ARHGAP42: variants seen among roughly 807,000 people sequenced by gnomAD.
ARHGAP42 encodes the protein rho GTPase-activating protein 42.
A neutral mutation model predicts 125.0 loss-of-function variants in ARHGAP42; 63 were observed. The observed-to-expected ratio is 0.50, with a 90% CI of 0.41 to 0.62. The LOEUF (loss-of-function observed/expected upper bound fraction) is 0.62. Among genes scored for constraint, ARHGAP42 ranks in the 20% least tolerant of loss-of-function variants. ARHGAP42 has a pLI of 0.00. For synonymous variants in ARHGAP42, 339 were observed against 351.0 expected, an observed-to-expected ratio of 0.97 and a Z score of 0.38; for missense variants, 766 against 1,024.2, an observed-to-expected ratio of 0.75 and a Z score of 3.44.
chr11:100,778,608 A>G (rs1453282952), intron 2 of ARHGAP42, among the ~76,000 whole-genome samples: 1 of 151,962 alleles, frequency 6.6e-6, no homozygotes, highest in African/African-American at 2.4e-5. Context: ...CACAGAAACC[A>G]CCCACAATTA....
chr11:100,765,041 C>T (rs933816221), intron 1 of ARHGAP42, among the ~76,000 whole-genome samples: 10 of 151,502 alleles, frequency 6.6e-5, no homozygotes, highest in Non-Finnish European at 1.3e-4. Context: ...TTTTTGGCAA[C>T]GGAGAATGAG....
chr11:100,992,714 G>A lies in ARHGAP42; in HGVS notation c.*3913G>A. The A allele has an allele frequency of 3.2e-6, 5 of 1,542,202 alleles. No homozygotes were observed. Among genetic ancestry groups the A allele is most frequent in the Non-Finnish European group, 4.4e-6 (5 of 1,148,232 alleles). The stretch of plus-strand genomic sequence containing the variant: ...TTATGAATGATGTGGACTTTTAGAG[G>A]ATCAAATCAATAAATTGGATTTTTT... On this transcript the variant is annotated 3_prime_UTR_variant, in exon 24 of 24. Coordinates refer to ENST00000298815, the MANE Select transcript of ARHGAP42 (RefSeq NM_152432.4).
chr11:100,812,157 A>C (rs1414654052), intron 3 of ARHGAP42, among the ~76,000 whole-genome samples: 2 of 152,170 alleles, frequency 1.3e-5, no homozygotes, highest in Non-Finnish European at 2.9e-5. Context: ...CATTAATAAT[A>C]GGTTCAGCCA....
At chr11:100,890,230 G>A (rs137986506) in intron 4 of ARHGAP42, among the ~76,000 whole-genome samples, 13 of 152,214 alleles carry the variant, frequency 8.5e-5, no homozygotes, top group Admixed American at 3.9e-4. Context: ...GGTCTAAAAC[G>A]TATTCAGCTC....
chr11:100,707,993 C>G (rs1251593350), intron 1 of ARHGAP42, among the ~76,000 whole-genome samples: 1 of 152,152 alleles, frequency 6.6e-6, no homozygotes, highest in East Asian at 1.9e-4. Flanking sequence ...CCAATCAGAT[C>G]TATTCAGGAA....
intron 4 of ARHGAP42, among the ~76,000 whole-genome samples, chr11:100,894,799 G>A (rs1234351506): frequency 6.6e-6 from 1 of 152,124 alleles, no homozygotes; most frequent in Admixed American, 6.5e-5. Flanking sequence ...AAAGGACAAA[G>A]CAGTGCTAAG....
At chr11:100,788,682 T>A (rs1339365106) in intron 2 of ARHGAP42, among the ~76,000 whole-genome samples, 1 of 152,102 alleles carries the variant, frequency 6.6e-6, no homozygotes, top group Non-Finnish European at 1.5e-5. Context: ...TCAGTGAGGG[T>A]ATTAATTGCT....
intron 1 of ARHGAP42, among the ~76,000 whole-genome samples, chr11:100,725,474 C>G (rs1861838636): frequency 6.6e-6 from 1 of 151,492 alleles, no homozygotes; most frequent in African/African-American, 2.4e-5. Flanking sequence ...CAGCCGTGAC[C>G]AAAATCTTGG....
intron 4 of ARHGAP42, among the ~76,000 whole-genome samples, chr11:100,881,911 T>C (rs999614522): frequency 1.2e-4 from 19 of 152,190 alleles, no homozygotes; most frequent in African/African-American, 4.6e-4. Flanking sequence ...GATTTTCAGC[T>C]TGGTCGCTGT....
At chr11:100,716,827 T>A (rs1201868981) in intron 1 of ARHGAP42, among the ~76,000 whole-genome samples, 2 of 152,106 alleles carry the variant, frequency 1.3e-5, no homozygotes, top group Non-Finnish European at 2.9e-5. Context: ...TATCTTTAGG[T>A]TATTTGGAGA....
chr11:100,847,708 C>G (rs185513928), intron 3 of ARHGAP42, among the ~76,000 whole-genome samples: 2 of 152,098 alleles, frequency 1.3e-5, no homozygotes, highest in East Asian at 1.9e-4. Context: ...GAAGGAGAGG[C>G]CTTGGTCTAG....
At chr11:100,702,274 A>G (rs1467422526) in intron 1 of ARHGAP42, among the ~76,000 whole-genome samples, 1 of 152,212 alleles carries the variant, frequency 6.6e-6, no homozygotes, top group African/African-American at 2.4e-5. Context: ...CAGAAAAAGA[A>G]AAACAGAGAT....
chr11:100,891,390 T>G (rs150629298), intron 4 of ARHGAP42, among the ~76,000 whole-genome samples: 1 of 151,910 alleles, frequency 6.6e-6, no homozygotes, highest in East Asian at 1.9e-4. Context: ...TTAATATCCT[T>G]ATAGGTTCAG....
chr11:100,740,432 C>T (rs766372156), intron 1 of ARHGAP42, among the ~76,000 whole-genome samples: 2 of 152,184 alleles, frequency 1.3e-5, no homozygotes, highest in Non-Finnish European at 1.5e-5. Context: ...GAGTGCAAAA[C>T]AGGTTAACTA....
At chr11:100,937,279 A>G (rs1330538913) in intron 8 of ARHGAP42, among the ~76,000 whole-genome samples, 1 of 152,154 alleles carries the variant, frequency 6.6e-6, no homozygotes, top group Non-Finnish European at 1.5e-5. Flanking sequence ...AAACATGATA[A>G]AACTAGTGAT....
rs370930804 is a variant in ARHGAP42, at chr11:100,782,411, C to A, written c.250+11973C>A. On this transcript the variant is annotated intron_variant, in intron 2 of 23. Transcript: ENST00000298815. ...TCAATTTTGACATAAAATGTTTGGA[C>A]CAGAAAGGCAATAGCCTTGGAAATT... is the stretch of plus-strand genomic sequence containing the variant. 5.3e-5 allele frequency among the ~76,000 whole-genome samples: 8 copies of A among 152,144 alleles called. No individual in the cohort carries two copies. The East Asian group carries it at 7.7e-4, about 15-fold the overall frequency.
chr11:100,749,399 C>T (rs1351426160), intron 1 of ARHGAP42, among the ~76,000 whole-genome samples: 1 of 150,974 alleles, frequency 6.6e-6, no homozygotes, highest in Non-Finnish European at 1.5e-5. Context: ...CCTGGCCTGT[C>T]CCGGAAGACT....
chr11:100,863,678 A>G (rs1865502892), intron 4 of ARHGAP42, among the ~76,000 whole-genome samples: 1 of 152,214 alleles, frequency 6.6e-6, no homozygotes, highest in African/African-American at 2.4e-5. Flanking sequence ...ATACTTGGAG[A>G]TTAGAAGAAT....
rs1011699586 is a variant in ARHGAP42 at position 100,889,187 on chromosome 11, C to T, written c.385-24265C>T. On this transcript the variant is annotated intron_variant, in intron 4 of 23. Coordinates refer to ENST00000298815, the MANE Select transcript of ARHGAP42 (RefSeq NM_152432.4). The stretch of plus-strand genomic sequence containing the variant: ...CAAGATGATTATAATCTTGCTCTTA[C>T]AACAGAAATAAATGAAGATTAAAGA... Among the ~76,000 whole-genome samples the T allele has an allele frequency of 9.2e-5, 14 of 152,258 alleles. 1 individual carries two copies. The South Asian group carries it at 2.9e-3, about 32-fold the overall frequency.
Sources: allele counts gnomAD v4.1 joint callset (sites outside exome capture counted in the v4.1 genomes callset), GRCh38; gene constraint gnomAD v4.1.1; transcripts MANE v1.5; gene names NCBI Gene and HGNC (gene_info 2026-07-23, HGNC 2026-07-21).